MTMR9: variants seen among roughly 807,000 people sequenced by gnomAD.
MTMR9 encodes the protein myotubularin related protein 9, also known as myotubularin-related protein 9.
Under a neutral mutation model 69.5 loss-of-function variants are expected in MTMR9, and 39 were observed. The ratio of observed to expected loss-of-function variants is 0.56; its 90% CI spans 0.43 to 0.73. The LOEUF (loss-of-function observed/expected upper bound fraction) is 0.73. Among genes scored for constraint, MTMR9 ranks in the 30% least tolerant of loss-of-function variants. MTMR9 has a pLI of 0.00. For synonymous variants in MTMR9, 354 were observed against 240.8 expected, an observed-to-expected ratio of 1.47 and a Z score of -4.35; for missense variants, 900 against 671.2, an observed-to-expected ratio of 1.34 and a Z score of -3.77.
intron 1 of MTMR9, among the ~76,000 whole-genome samples, chr8:11,286,867 G>T (rs1053261255): frequency 3.9e-5 from 6 of 152,012 alleles, no homozygotes; most frequent in African/African-American, 1.5e-4. Context: ...ACTGGTGCTG[G>T]TATATGTCCT....
At chr8:11,294,605 G>A (rs1479498858) in intron 1 of MTMR9, among the ~76,000 whole-genome samples, 2 of 146,372 alleles carry the variant, frequency 1.4e-5, no homozygotes, top group Admixed American at 6.9e-5. Context: ...GGGTTCAAGC[G>A]ATTCTCTTGC....
rs1800211856 is a variant in MTMR9 at position 11,311,843 on chromosome 8, C to T, written c.971+2155C>T. On this transcript the variant is annotated intron_variant, in intron 6 of 9. Coordinates refer to ENST00000221086, the MANE Select transcript of MTMR9 (RefSeq NM_015458.4). The stretch of plus-strand genomic sequence containing the variant: ...TAGAGTCAGTTCTCTCAAACACTGC[C>T]ACTGCTTTATCACCTAAGTTGATGT... 2.0e-5 allele frequency among the ~76,000 whole-genome samples: 3 copies of T among 152,078 alleles called. No homozygotes were observed. The South Asian group carries it at 6.2e-4, about 32-fold the overall frequency.
At chr8:11,329,529 T>A (rs1356067303), downstream of MTMR9, among the ~76,000 whole-genome samples, 3 of 152,390 alleles carry the variant, frequency 2.0e-5, no homozygotes, top group Admixed American at 2.0e-4. Flanking sequence ...TTGGCCGGGC[T>A]GGTATCCAGC....
intron 1 of MTMR9, among the ~76,000 whole-genome samples, chr8:11,291,177 G>T (rs1208847757): frequency 6.6e-6 from 1 of 151,914 alleles, no homozygotes; most frequent in Non-Finnish European, 1.5e-5. Flanking sequence ...GAATTGTTTT[G>T]GATTTATAGA....
chr8:11,316,793 C>A lies in MTMR9; in HGVS notation c.1234C>A (p.Pro412Thr). Reference sequence around the variant, plus strand: ...CGTGTGGCAGATCCTTCGTCAGTTTCCCTGTTCTTTTGAGTTTAATGAGAA... The same window carrying A: ...CGTGTGGCAGATCCTTCGTCAGTTTACCTGTTCTTTTGAGTTTAATGAGAA... ...DCVWQILRQF[P>T]CSFEFNENFL... The change falls in exon 8 of 10, where the codon CCC becomes ACC. Residue 412 changes from proline (P) to threonine (T), a missense_variant. By Grantham distance (38) the Pro-to-Thr change is conservative. Transcript: ENST00000221086. The A allele has an allele frequency of 2.5e-6, 4 of 1,613,920 alleles. No homozygotes were observed. Among genetic ancestry groups the A allele is most frequent in the Non-Finnish European group, 3.4e-6 (4 of 1,179,960 alleles).
chr8:11,331,550 C>T (rs1801228986), downstream of MTMR9: 1 of 1,613,716 alleles, frequency 6.2e-7, no homozygotes, highest in African/African-American at 1.3e-5. Context: ...TCACCCTCTG[C>T]CTTGAGAGCC....
chr8:11,308,440 T>G (rs187799150), intron 5 of MTMR9, among the ~76,000 whole-genome samples: 5 of 152,374 alleles, frequency 3.3e-5, no homozygotes, highest in Non-Finnish European at 5.9e-5. Context: ...ACTTTAGCTT[T>G]GTAGCATATT....
intron 3 of MTMR9, among the ~76,000 whole-genome samples, chr8:11,303,378 ATGT>A (rs1799821775): frequency 6.6e-6 from 1 of 151,812 alleles, no homozygotes. Context: ...CAGTATTATC[ATGT>A]TGTTTAGAAA....
Position 11,291,021 on chromosome 8 carries a change from A to G in MTMR9, c.183-4173A>G, listed in dbSNP as rs1284739225. Among the ~76,000 whole-genome samples the G allele has an allele frequency of 2.0e-5, 3 of 152,186 alleles. No homozygotes were observed. In the East Asian group the frequency reaches 5.8e-4, roughly 29 times the overall value. ...AAAAATTGCACATAGAGGTTTTAGA[A>G]TCGTCCACTCAGCTTCCCCTAATGT... is the stretch of plus-strand genomic sequence containing the variant. On this transcript the variant is annotated intron_variant, in intron 1 of 9. Transcript: ENST00000221086.
At chr8:11,303,828 C>A (rs1405230025) in intron 3 of MTMR9, among the ~76,000 whole-genome samples, 1 of 151,754 alleles carries the variant, frequency 6.6e-6, no homozygotes, top group Non-Finnish European at 1.5e-5. Context: ...ACCACTGTGC[C>A]CAGCCTAGAA....
Position 11,284,943 on chromosome 8 carries a change from C to A in MTMR9, c.55C>A (p.Arg19=), listed in dbSNP as rs746134648. ...TPRVDNVVLH[R]PFYPAVEGTL... is the part of the protein sequence containing the mutation. ...GCGGGTGGACAATGTGGTGCTGCACCGGCCTTTCTACCCGGCTGTCGAGGG... is the reference window on the plus strand; with the variant it reads ...GCGGGTGGACAATGTGGTGCTGCACAGGCCTTTCTACCCGGCTGTCGAGGG... Residue 19 remains arginine, a synonymous_variant, in exon 1 of 10, where the codon CGG becomes AGG. Transcript: ENST00000221086. 10 of 1,613,920 alleles carry A rather than the reference C, an allele frequency of 6.2e-6. No homozygotes were observed. The highest frequency in any genetic ancestry group is 8.5e-6 in the Non-Finnish European group (10 of 1,179,928).
chr8:11,287,926 A>G (rs1212436120), intron 1 of MTMR9, among the ~76,000 whole-genome samples: 1 of 128,612 alleles, frequency 7.8e-6, no homozygotes, highest in African/African-American at 3.0e-5. Flanking sequence ...ATTATATATT[A>G]TATAATATGT....
chr8:11,322,503 G>A, intron 9 of MTMR9, 122 bp from the exon 10 acceptor site: 1 of 735,218 alleles, frequency 1.4e-6, no homozygotes, highest in Non-Finnish European at 2.2e-6. Context: ...ATACAGATGT[G>A]AGTTGTGGCA....
intron 5 of MTMR9, among the ~76,000 whole-genome samples, chr8:11,307,307 A>G (rs753017811): frequency 2.0e-5 from 3 of 152,150 alleles, no homozygotes; most frequent in Admixed American, 1.3e-4. Context: ...CCTGACCTCA[A>G]GTGATCCTCC....
intron 7 of MTMR9, chr8:11,316,071 C>G (rs1390006928): frequency 6.6e-6 from 1 of 152,204 alleles, no homozygotes; most frequent in Non-Finnish European, 1.5e-5. Flanking sequence ...CAGTAGATGG[C>G]AGACTCTTGC....
chr8:11,331,186 G>A (rs1210248655), downstream of MTMR9: 7 of 1,613,778 alleles, frequency 4.3e-6, no homozygotes, highest in East Asian at 1.3e-4. Context: ...AGCCTCCGCT[G>A]GCACCAGCGC....
At chr8:11,312,558 T>C (rs1399324071) in intron 6 of MTMR9, among the ~76,000 whole-genome samples, 1 of 152,234 alleles carries the variant, frequency 6.6e-6, no homozygotes, top group East Asian at 1.9e-4. Flanking sequence ...TTCTGTAACA[T>C]CTGCAGTGAC....
rs1197567480 is a variant in MTMR9 at position 11,322,933 on chromosome 8, A to G, written c.*145A>G. The G allele has an allele frequency of 1.5e-5, 9 of 584,342 alleles. No individual in the cohort carries two copies. In the East Asian group the frequency reaches 2.8e-4, roughly 18 times the overall value. The allele number at this position is 584,342 out of a possible 1,614,324, so 36.2% of individuals were successfully genotyped here. A position where few individuals can be genotyped will look rare whatever the true frequency, so the allele number is the denominator to read the frequency against. On this transcript the variant is annotated 3_prime_UTR_variant, in exon 10 of 10. Transcript: ENST00000221086. The stretch of plus-strand genomic sequence containing the variant: ...CCCCTAATGTAATGGATTTCTCAAT[A>G]CTGTATGAATAATGAAACTTACTAT...
chr8:11,314,962 T>C lies in MTMR9; in HGVS notation c.1011T>C (p.Thr337=), dbSNP rs1363923849. Residue 337 remains threonine (T), a synonymous_variant, in exon 7 of 10, where the codon ACT becomes ACC. Coordinates refer to ENST00000221086, the MANE Select transcript of MTMR9 (RefSeq NM_015458.4). ...ASILIHGTEG[T]DSTLQVTSLA... ...TATTGATTCACGGAACAGAAGGAAC[T>C]GATTCCACACTCCAGGTGACCTCCT... 6.2e-7 allele frequency: 1 copy of C among 1,613,956 alleles called. No individual in the cohort carries two copies. Among genetic ancestry groups the C allele is most frequent in the Non-Finnish European group, 8.5e-7 (1 of 1,179,870 alleles).
Sources: gnomAD v4.1 joint callset for allele counts (sites outside exome capture counted in the v4.1 genomes callset) on GRCh38, gnomAD v4.1.1 for gene constraint, MANE v1.5 for transcripts, NCBI Gene and HGNC (gene_info 2026-07-23, HGNC 2026-07-21) for gene names.